FAM110B: variants seen among roughly 807,000 people sequenced by gnomAD.
FAM110B encodes the protein protein FAM110B.
A neutral mutation model predicts 20.4 loss-of-function variants in FAM110B; 6 were observed. That is an observed-to-expected ratio of 0.29 (90% confidence interval 0.16 to 0.58). The LOEUF is 0.58. Among genes scored for constraint, FAM110B ranks in the 20% least tolerant of loss-of-function variants. The pLI, the probability that FAM110B is intolerant of heterozygous loss-of-function variation, is 0.90. For missense variants in FAM110B, 434 were observed against 498.2 expected, an observed-to-expected ratio of 0.87 and a Z score of 1.23; for synonymous variants, 226 against 214.1, an observed-to-expected ratio of 1.06 and a Z score of -0.49.
At chr8:58,132,064 C>CTTATT (rs1176479220) in intron 3 of FAM110B, among the ~76,000 whole-genome samples, 1 of 152,198 alleles carries the variant, frequency 6.6e-6, no homozygotes, top group African/African-American at 2.4e-5. Flanking sequence ...TATTAGAATA[C>CTTATT]TTATTTTCCA....
At chr8:58,036,980 C>T (rs1182493306) in intron 2 of FAM110B, among the ~76,000 whole-genome samples, 1 of 152,092 alleles carries the variant, frequency 6.6e-6, no homozygotes, top group African/African-American at 2.4e-5. Flanking sequence ...TATTGTTATC[C>T]AATCATACTT....
At chr8:58,139,925 G>C (rs1803702490) in intron 3 of FAM110B, among the ~76,000 whole-genome samples, 1 of 151,484 alleles carries the variant, frequency 6.6e-6, no homozygotes, top group African/African-American at 2.4e-5. Context: ...ACGAGACTCT[G>C]TTTTAAATAA....
At chr8:58,020,533 G>A (rs1409848406) in intron 1 of FAM110B, among the ~76,000 whole-genome samples, 1 of 152,154 alleles carries the variant, frequency 6.6e-6, no homozygotes, top group Non-Finnish European at 1.5e-5. Context: ...TTTTAATTAG[G>A]TTGAGTTCAC....
intron 3 of FAM110B, chr8:58,091,366 C>G (rs924327737): frequency 6.6e-6 from 1 of 152,174 alleles, no homozygotes; most frequent in African/African-American, 2.4e-5. Flanking sequence ...TACCCAAGCA[C>G]AGGCAGATTC....
chr8:58,048,691 G>A (rs527763087), intron 2 of FAM110B, among the ~76,000 whole-genome samples: 5 of 152,328 alleles, frequency 3.3e-5, no homozygotes, highest in Admixed American at 1.3e-4. Context: ...TTCAGGGCTT[G>A]GGCCCATGTT....
chr8:58,107,633 G>A (rs947479943), intron 3 of FAM110B, among the ~76,000 whole-genome samples: 4 of 152,066 alleles, frequency 2.6e-5, no homozygotes, highest in Non-Finnish European at 5.9e-5. Context: ...AAATTGGTTG[G>A]TTTTGAAAGA....
At chr8:57,998,079 C>T (rs1804220048) in intron 1 of FAM110B, among the ~76,000 whole-genome samples, 1 of 152,170 alleles carries the variant, frequency 6.6e-6, no homozygotes, top group Non-Finnish European at 1.5e-5. Flanking sequence ...CAACAAATCT[C>T]TTCTCTATAA....
At chr8:58,002,418 T>A (rs532117350) in intron 1 of FAM110B, among the ~76,000 whole-genome samples, 14 of 152,372 alleles carry the variant, frequency 9.2e-5, no homozygotes, top group African/African-American at 2.9e-4. Context: ...CTACAAAGTC[T>A]TTCTCAGTAG....
chr8:58,130,114 C>T (rs1803414449), intron 3 of FAM110B, among the ~76,000 whole-genome samples: 1 of 152,178 alleles, frequency 6.6e-6, no homozygotes. Flanking sequence ...ATTTCTTGAA[C>T]AGATGTTAAG....
chr8:58,033,763 AAT>A (rs1413755958), intron 2 of FAM110B, among the ~76,000 whole-genome samples: 5 of 152,198 alleles, frequency 3.3e-5, no homozygotes, highest in Non-Finnish European at 7.4e-5. Context: ...GTTAAAAAAA[AAT>A]AGTTTTATTT....
At chr8:58,100,171 G>A (rs1033409986) in intron 3 of FAM110B, among the ~76,000 whole-genome samples, 2 of 151,840 alleles carry the variant, frequency 1.3e-5, no homozygotes, top group African/African-American at 4.8e-5. Flanking sequence ...AATATACAGT[G>A]TAAGTATTAA....
intron 3 of FAM110B, among the ~76,000 whole-genome samples, chr8:58,107,131 G>A (rs1170320666): frequency 2.0e-5 from 3 of 151,704 alleles, no homozygotes; most frequent in African/African-American, 7.3e-5. Flanking sequence ...TTATGTTACT[G>A]AAAAATTAGT....
intron 3 of FAM110B, among the ~76,000 whole-genome samples, chr8:58,081,281 A>G (rs1412026455): frequency 6.6e-6 from 1 of 151,998 alleles, no homozygotes; most frequent in East Asian, 1.9e-4. Flanking sequence ...ACCTCAGCTT[A>G]CTCCAACCTC....
At chr8:58,140,183 C>T (rs1563383870) in intron 3 of FAM110B, among the ~76,000 whole-genome samples, 1 of 152,094 alleles carries the variant, frequency 6.6e-6, no homozygotes, top group African/African-American at 2.4e-5. Context: ...AAGCTGGGAA[C>T]GACTCATCCT....
chr8:58,003,349 T>G (rs1804339010), intron 1 of FAM110B, among the ~76,000 whole-genome samples: 1 of 152,190 alleles, frequency 6.6e-6, no homozygotes, highest in African/African-American at 2.4e-5. Context: ...GATCAACTTC[T>G]TCCAAACTCC....
At chr8:58,124,420 A>G (rs989624504) in intron 3 of FAM110B, among the ~76,000 whole-genome samples, 1 of 152,250 alleles carries the variant, frequency 6.6e-6, no homozygotes, top group African/African-American at 2.4e-5. Context: ...AAAGCCAAAC[A>G]GATGGAACAG....
At chr8:58,072,863 G>T (rs1432465236) in intron 2 of FAM110B, among the ~76,000 whole-genome samples, 3 of 152,230 alleles carry the variant, frequency 2.0e-5, no homozygotes, top group Non-Finnish European at 4.4e-5. Context: ...AAGTAACTGG[G>T]CTGAACAAGG....
chr8:58,121,034 G>T (rs1807346680), intron 3 of FAM110B, among the ~76,000 whole-genome samples: 1 of 152,218 alleles, frequency 6.6e-6, no homozygotes, highest in African/African-American at 2.4e-5. Flanking sequence ...TGGATGCAGT[G>T]ATGTCCTCTG....
At chr8:58,102,924 G>C (rs1806814960) in intron 3 of FAM110B, among the ~76,000 whole-genome samples, 1 of 143,186 alleles carries the variant, frequency 7.0e-6, no homozygotes, top group Non-Finnish European at 1.5e-5. Flanking sequence ...TTCAAGAAGA[G>C]AGTACTACAA....
Sources: allele counts gnomAD v4.1 joint callset (sites outside exome capture counted in the v4.1 genomes callset), GRCh38; gene constraint gnomAD v4.1.1; transcripts MANE v1.5; gene names NCBI Gene and HGNC (gene_info 2026-07-23, HGNC 2026-07-21).